Variants in CAMTA1 observed in about 807,000 individuals in gnomAD.
CAMTA1 encodes calmodulin-binding transcription activator 1.
A neutral mutation model predicts 170.9 loss-of-function variants in CAMTA1; 27 were observed. The observed-to-expected ratio is 0.16, with a 90% CI of 0.12 to 0.22. The LOEUF is 0.22. Ranked by LOEUF, CAMTA1 falls within the 10% of genes least tolerant of loss-of-function variation. CAMTA1 has a pLI of 1.00. For synonymous variants in CAMTA1, 833 were observed against 891.5 expected (o/e 0.93, Z 1.17); for missense variants, 1,619 against 2,217.2 (o/e 0.73, Z 5.42).
intron 5 of CAMTA1, among the ~76,000 whole-genome samples, chr1:7,328,066 G>A (rs1472338176): frequency 6.6e-6 from 1 of 152,048 alleles, no homozygotes; most frequent in Non-Finnish European, 1.5e-5. Context: ...GACTCCTGTT[G>A]AGGTTGTCTC....
chr1:7,206,938 G>A (rs1657848625), intron 4 of CAMTA1, among the ~76,000 whole-genome samples: 1 of 152,116 alleles, frequency 6.6e-6, no homozygotes, highest in Non-Finnish European at 1.5e-5. Context: ...CCCACCCCCG[G>A]CCTGCTTCTT....
intron 3 of CAMTA1, among the ~76,000 whole-genome samples, chr1:6,871,212 T>A (rs1668312221): frequency 1.4e-5 from 2 of 146,988 alleles, no homozygotes; most frequent in African/African-American, 5.5e-5. Flanking sequence ...TTAAAATGTC[T>A]TTTTTTTCCC....
intron 5 of CAMTA1, among the ~76,000 whole-genome samples, chr1:7,422,433 G>A (rs568565591): frequency 6.6e-6 from 1 of 152,150 alleles, no homozygotes; most frequent in South Asian, 2.1e-4. Flanking sequence ...GGACATAGCA[G>A]GAAAAAGGGC....
intron 5 of CAMTA1, among the ~76,000 whole-genome samples, chr1:7,316,492 G>C (rs1225074680): frequency 6.6e-6 from 1 of 152,214 alleles, no homozygotes; most frequent in African/African-American, 2.4e-5. Flanking sequence ...TTGACGCACG[G>C]TAAGTACTCA....
At chr1:7,048,444 A>G (rs1051830651) in intron 3 of CAMTA1, among the ~76,000 whole-genome samples, 11 of 152,230 alleles carry the variant, frequency 7.2e-5, no homozygotes, top group East Asian at 1.9e-4. Context: ...GAATTAGTAA[A>G]TTAAAAGTTT....
chr1:7,767,125 A>C lies in CAMTA1; in HGVS notation c.*634A>C, dbSNP rs2097028882. 1 of 152,736 alleles carries C rather than the reference A, an allele frequency of 6.5e-6. No individual in the cohort carries two copies. The highest frequency in any genetic ancestry group is 1.5e-5 in the Non-Finnish European group (1 of 68,044). 9.5% of individuals were successfully genotyped at this position (152,736 alleles called of 1,614,324 possible). A position where few individuals can be genotyped will look rare whatever the true frequency, so the allele number is the denominator to read the frequency against. On this transcript the variant is annotated 3_prime_UTR_variant, in exon 23 of 23. Coordinates refer to ENST00000303635, the MANE Select transcript of CAMTA1 (RefSeq NM_015215.4). ...AACTTTTGAAATCTGCAGGTTTTTA[A>C]TGTCTTGTGGAAATTTGCAGAGGGG...
intron 5 of CAMTA1, among the ~76,000 whole-genome samples, chr1:7,458,563 C>CTAAATGAATTTGGGA: frequency 6.6e-6 from 1 of 152,192 alleles, no homozygotes; most frequent in Admixed American, 6.5e-5. Flanking sequence ...GGGAGCCTTC[C>CTAAATGAATTTGGGA]CGCCCCTGCC....
intron 3 of CAMTA1, among the ~76,000 whole-genome samples, chr1:7,018,037 G>A (rs1470831499): frequency 2.0e-5 from 3 of 151,378 alleles, no homozygotes; most frequent in Non-Finnish European, 4.4e-5. Flanking sequence ...ATCTTGGCTC[G>A]CTGCAGCCTT....
chr1:7,033,360 G>A (rs890472626), intron 3 of CAMTA1, among the ~76,000 whole-genome samples: 1 of 152,004 alleles, frequency 6.6e-6, no homozygotes, highest in Non-Finnish European at 1.5e-5. Context: ...ATCTTTAGAA[G>A]TTTTACTTGG....
At chr1:7,591,475 A>T (rs2095354725) in intron 6 of CAMTA1, among the ~76,000 whole-genome samples, 1 of 152,246 alleles carries the variant, frequency 6.6e-6, no homozygotes, top group African/African-American at 2.4e-5. Context: ...AAAACATTGA[A>T]ACTAGGCCTT....
chr1:7,038,386 A>G (rs1409482255), intron 3 of CAMTA1, among the ~76,000 whole-genome samples: 3 of 152,250 alleles, frequency 2.0e-5, no homozygotes, highest in African/African-American at 7.2e-5. Flanking sequence ...AAGGATACAG[A>G]GATCAATGCC....
chr1:7,474,176 C>T (rs558837460), intron 6 of CAMTA1, among the ~76,000 whole-genome samples: 1 of 127,268 alleles, frequency 7.9e-6, no homozygotes, highest in South Asian at 2.6e-4. Context: ...CTAATTTCTC[C>T]GAGTCTCAGT....
At chr1:6,904,591 A>C (rs1319690951) in intron 3 of CAMTA1, among the ~76,000 whole-genome samples, 1 of 141,436 alleles carries the variant, frequency 7.1e-6, no homozygotes, top group Non-Finnish European at 1.5e-5. Context: ...GTCTTCCTCT[A>C]TCGCCCCAGG....
chr1:7,160,791 T>A (rs1046515423), intron 4 of CAMTA1, among the ~76,000 whole-genome samples: 1 of 152,186 alleles, frequency 6.6e-6, no homozygotes, highest in African/African-American at 2.4e-5. Context: ...TCCCCTTGGA[T>A]TCCCCACACT....
chr1:7,398,185 C>CTATATATA (rs2089533322), intron 5 of CAMTA1, among the ~76,000 whole-genome samples: 2 of 46,546 alleles, frequency 4.3e-5, no homozygotes, highest in African/African-American at 8.7e-5. Context: ...CTCTCTCTCT[C>CTATATATA]TCTCTCTCTA....
At chr1:7,349,909 G>A (rs2084525549) in intron 5 of CAMTA1, among the ~76,000 whole-genome samples, 1 of 152,152 alleles carries the variant, frequency 6.6e-6, no homozygotes, top group South Asian at 2.1e-4. Context: ...GGGCCTCCTG[G>A]CTTCACTCCT....
chr1:7,324,619 C>A (rs564980714), intron 5 of CAMTA1, among the ~76,000 whole-genome samples: 5 of 152,036 alleles, frequency 3.3e-5, no homozygotes, highest in African/African-American at 1.2e-4. Context: ...CTCATCCTGG[C>A]CAACATGGTG....
intron 6 of CAMTA1, among the ~76,000 whole-genome samples, chr1:7,495,642 C>T (rs1052585366): frequency 6.6e-6 from 1 of 152,198 alleles, no homozygotes; most frequent in African/African-American, 2.4e-5. Context: ...GGAAGAAACA[C>T]CCTACACACT....
intron 3 of CAMTA1, among the ~76,000 whole-genome samples, chr1:6,916,664 G>A (rs1680878049): frequency 6.6e-6 from 1 of 152,194 alleles, no homozygotes; most frequent in East Asian, 1.9e-4. Context: ...TGAGACCCAT[G>A]GTGGGCTCCC....
Sources: gnomAD v4.1 joint callset for allele counts (sites outside exome capture counted in the v4.1 genomes callset) on GRCh38, gnomAD v4.1.1 for gene constraint, MANE v1.5 for transcripts, NCBI Gene and HGNC (gene_info 2026-07-23, HGNC 2026-07-21) for gene names.